PGGT1B: variants seen among roughly 807,000 people sequenced by gnomAD.
The protein encoded by PGGT1B is geranylgeranyl transferase type-1 subunit beta.
PGGT1B carries 30 observed loss-of-function variants against 46.1 expected under a neutral mutation model. That is an observed-to-expected ratio of 0.65 (90% CI 0.49 to 0.88). PGGT1B has a LOEUF of 0.88. Among genes scored for constraint, PGGT1B ranks in the 40% least tolerant of loss-of-function variants. The pLI, the probability that PGGT1B is intolerant of heterozygous loss-of-function variation, is 0.00. For synonymous variants in PGGT1B, 170 were observed against 160.0 expected, an observed-to-expected ratio of 1.06 and a Z score of -0.47; for missense variants, 376 against 455.9, an observed-to-expected ratio of 0.82 and a Z score of 1.60.
chr5:115,221,778 T>C (rs1331702726), intron 7 of PGGT1B, 46 bp downstream of exon 7: 2 of 1,236,166 alleles, frequency 1.6e-6, no homozygotes, highest in Non-Finnish European at 2.3e-6. Context: ...GCACAATCTA[T>C]ATGAACACAG....
chr5:115,223,466 C>T (rs1756651677), intron 6 of PGGT1B, among the ~76,000 whole-genome samples: 1 of 151,930 alleles, frequency 6.6e-6, no homozygotes, highest in Admixed American at 6.6e-5. Flanking sequence ...AACTATGGTG[C>T]CAGAGATTTG....
chr5:115,245,319 CT>C (rs1434318540), intron 2 of PGGT1B, among the ~76,000 whole-genome samples: 1 of 152,162 alleles, frequency 6.6e-6, no homozygotes, highest in Non-Finnish European at 1.5e-5. Flanking sequence ...TTGTTCACTT[CT>C]GTTTTTAGCC....
chr5:115,255,331 C>A (rs191345039), intron 1 of PGGT1B, among the ~76,000 whole-genome samples: 1 of 152,130 alleles, frequency 6.6e-6, no homozygotes, highest in African/African-American at 2.4e-5. Context: ...TACATAATAG[C>A]AACAAAGTGT....
intron 5 of PGGT1B, among the ~76,000 whole-genome samples, chr5:115,231,998 G>C (rs1293975599): frequency 6.6e-6 from 1 of 152,020 alleles, no homozygotes; most frequent in East Asian, 1.9e-4. Flanking sequence ...ATGTTATTCA[G>C]TTCACACACA....
In PGGT1B at chr5:115,212,365, T is replaced by C. The variant is rs776921574; in HGVS notation, c.*37A>G. ...GGCTTTTAAACTTGAGCTACAGTTA[T>C]GCTACAAATCCCCCCACCCTCCCAA... On this transcript the variant is annotated 3_prime_UTR_variant, in exon 9 of 9. Transcript: ENST00000419445. The C allele has an allele frequency of 3.1e-6, 5 of 1,606,528 alleles. No homozygotes were observed. The highest frequency in any genetic ancestry group is 4.3e-6 in the Non-Finnish European group (5 of 1,175,696).
chr5:115,216,491 G>A (rs994864182), intron 8 of PGGT1B, among the ~76,000 whole-genome samples: 3 of 152,152 alleles, frequency 2.0e-5, no homozygotes, highest in African/African-American at 4.8e-5. Flanking sequence ...AGGATTGGGA[G>A]TAATTTATTA....
At chr5:115,216,156 G>A (rs375513142) in intron 8 of PGGT1B, among the ~76,000 whole-genome samples, 2 of 149,936 alleles carry the variant, frequency 1.3e-5, no homozygotes, top group Admixed American at 1.3e-4. Flanking sequence ...TTTTTTTTTT[G>A]AGACAAAGAG....
intron 8 of PGGT1B, among the ~76,000 whole-genome samples, chr5:115,215,248 T>A (rs1262513258): frequency 1.3e-5 from 2 of 152,190 alleles, no homozygotes; most frequent in African/African-American, 4.8e-5. Flanking sequence ...TTCACCAGCA[T>A]CAGCCTCCCA....
At chr5:115,225,645 G>C (rs1034300444) in intron 6 of PGGT1B, among the ~76,000 whole-genome samples, 6 of 149,832 alleles carry the variant, frequency 4.0e-5, no homozygotes, top group African/African-American at 1.5e-4. Flanking sequence ...AAAAGGTAAA[G>C]TAAATTTTTT....
intron 8 of PGGT1B, among the ~76,000 whole-genome samples, chr5:115,215,362 G>C (rs1756383816): frequency 6.6e-6 from 1 of 151,960 alleles, no homozygotes; most frequent in African/African-American, 2.4e-5. Flanking sequence ...GCAGTGGTGT[G>C]ACCTTGGCTC....
rs1331263727 is a variant in PGGT1B at position 115,205,413 on chromosome 5, C to T, written c.*6989G>A. 1 of 151,922 alleles carries T rather than the reference C, an allele frequency of 6.6e-6. No homozygotes were observed. The highest frequency in any genetic ancestry group is 2.4e-5 in the African/African-American group (1 of 41,358). 9.4% of individuals were successfully genotyped at this position (151,922 alleles called of 1,614,324 possible). On this transcript the variant is annotated 3_prime_UTR_variant, in exon 9 of 9. Coordinates refer to ENST00000419445, the MANE Select transcript of PGGT1B (RefSeq NM_005023.4). ...TGGCCACCCTTAATTTAGTTAGAGC[C>T]TCAAGATATTTAATGAAAAGTTTGA...
intron 5 of PGGT1B, among the ~76,000 whole-genome samples, chr5:115,234,843 A>G (rs1212334673): frequency 3.3e-5 from 5 of 152,032 alleles, no homozygotes; most frequent in Non-Finnish European, 7.4e-5. Context: ...TAATATATAG[A>G]CATATAAATA....
chr5:115,250,924 CTGAA>C (rs930570760), intron 2 of PGGT1B, among the ~76,000 whole-genome samples: 14 of 152,236 alleles, frequency 9.2e-5, no homozygotes, highest in African/African-American at 3.1e-4. Context: ...ATTCAAATAA[CTGAA>C]TGTAGTTGTA....
At chr5:115,252,437 G>A (rs1053038532) in intron 2 of PGGT1B, among the ~76,000 whole-genome samples, 37 of 151,052 alleles carry the variant, frequency 2.4e-4, no homozygotes, top group African/African-American at 8.2e-4. Context: ...TCTAACCAAC[G>A]AACCACAAAA....
rs1490725256 is a variant in PGGT1B at position 115,205,716 on chromosome 5, GATC to G, written c.*6683_*6685del. The G allele has an allele frequency of 6.6e-6, 1 of 151,996 alleles. No homozygotes were observed. The highest frequency in any genetic ancestry group is 2.4e-5 in the African/African-American group (1 of 41,390). The allele number at this position is 151,996 out of a possible 1,614,324, so 9.4% of individuals were successfully genotyped here. On this transcript the variant is annotated 3_prime_UTR_variant, in exon 9 of 9. Transcript: ENST00000419445. ...TTTTACTATCAGAAACCCATTTTCT[GATC>G]ATATTTAAAATCTTAGTGTCAAGAT...
At chr5:115,235,442 C>G (rs1469938278) in intron 5 of PGGT1B, among the ~76,000 whole-genome samples, 7 of 152,020 alleles carry the variant, frequency 4.6e-5, no homozygotes, top group Non-Finnish European at 1.0e-4. Flanking sequence ...CTCCAGGTAT[C>G]TCACCACAAG....
chr5:115,208,461 G>C lies in PGGT1B; in HGVS notation c.*3941C>G, dbSNP rs1357887396. ...GGTTTGTTGTGACTTTATCTACCTAGAGTAAATTTTGGCAATTTGCATTTT... is the reference window on the plus strand; with the variant it reads ...GGTTTGTTGTGACTTTATCTACCTACAGTAAATTTTGGCAATTTGCATTTT... On this transcript the variant is annotated 3_prime_UTR_variant, in exon 9 of 9. Coordinates refer to ENST00000419445, the MANE Select transcript of PGGT1B (RefSeq NM_005023.4). 6.6e-6 allele frequency: 1 copy of C among 151,914 alleles called. No individual in the cohort carries two copies. Among genetic ancestry groups the C allele is most frequent in the East Asian group, 1.9e-4 (1 of 5,194 alleles). 9.4% of individuals were successfully genotyped at this position (151,914 alleles called of 1,614,324 possible).
intron 2 of PGGT1B, among the ~76,000 whole-genome samples, chr5:115,244,783 G>T (rs1384747691): frequency 6.6e-6 from 1 of 151,784 alleles, no homozygotes; most frequent in Non-Finnish European, 1.5e-5. Flanking sequence ...TAGAGACGGG[G>T]TTTCATCGTG....
At chr5:115,240,029 T>C (rs1272252636) in intron 3 of PGGT1B, among the ~76,000 whole-genome samples, 1 of 152,242 alleles carries the variant, frequency 6.6e-6, no homozygotes, top group Non-Finnish European at 1.5e-5. Flanking sequence ...CACATTCTCT[T>C]GGCCTAATCT....
Sources: allele counts gnomAD v4.1 joint callset (sites outside exome capture counted in the v4.1 genomes callset), GRCh38; gene constraint gnomAD v4.1.1; transcripts MANE v1.5; gene names NCBI Gene and HGNC (gene_info 2026-07-23, HGNC 2026-07-21).